Variants in ABTB3 observed in about 807,000 individuals in gnomAD.
ABTB3 encodes ankyrin repeat and BTB domain containing 3, also known as ankyrin repeat- and BTB/POZ domain-containing protein 3.
chr12:107,654,069 C>T, the ABTB3 span, among the ~76,000 whole-genome samples: 17,060 of 152,234 alleles, frequency 0.11, 1,225 homozygotes, highest in African/African-American at 0.19. Context: ...ATTTATTTCA[C>T]TTAGCATAAT....
the ABTB3 span, among the ~76,000 whole-genome samples, chr12:107,564,388 G>T: frequency 6.6e-6 from 1 of 152,164 alleles, no homozygotes; most frequent in African/African-American, 2.4e-5. Context: ...GAGGCTTAAA[G>T]ACCCAGTCTA....
the ABTB3 span, chr12:107,617,420 G>A: frequency 1.9e-6 from 3 of 1,614,116 alleles, no homozygotes; most frequent in African/African-American, 1.3e-5. Flanking sequence ...CAGCCAGGCT[G>A]CAGCCCACGG....
chr12:107,433,313 A>AT, the ABTB3 span, among the ~76,000 whole-genome samples: 1 of 150,830 alleles, frequency 6.6e-6, no homozygotes, highest in Non-Finnish European at 1.5e-5. Flanking sequence ...AAAAAAAAAA[A>AT]AAAAAAAAAA....
the ABTB3 span, chr12:107,581,077 G>T: frequency 4.5e-6 from 7 of 1,545,754 alleles, no homozygotes; most frequent in Non-Finnish European, 3.5e-6. Context: ...GCGAGCAGGG[G>T]GTGGGGCCAA....
the ABTB3 span, among the ~76,000 whole-genome samples, chr12:107,498,322 G>A: frequency 3.3e-3 from 505 of 152,304 alleles, 2 homozygotes; most frequent in African/African-American, 0.011. Flanking sequence ...CTTCTAGGAA[G>A]ATAAGCGATG....
At chr12:107,385,429 C>T in the ABTB3 span, among the ~76,000 whole-genome samples, 1 of 152,238 alleles carries the variant, frequency 6.6e-6, no homozygotes, top group African/African-American at 2.4e-5. Context: ...TTTGCATTGC[C>T]TGCTGAGAGC....
chr12:107,557,027 A>G, the ABTB3 span, among the ~76,000 whole-genome samples: 2 of 152,144 alleles, frequency 1.3e-5, no homozygotes, highest in African/African-American at 4.8e-5. Flanking sequence ...AAAAAGTGGT[A>G]TAATGATAAT....
the ABTB3 span, among the ~76,000 whole-genome samples, chr12:107,504,689 T>C: frequency 3.9e-5 from 6 of 152,328 alleles, no homozygotes; most frequent in African/African-American, 7.2e-5. Flanking sequence ...AGAAGTTCCA[T>C]TGGAAAGGGA....
the ABTB3 span, among the ~76,000 whole-genome samples, chr12:107,583,370 CCAGGAAAAG>C: frequency 6.6e-6 from 1 of 152,272 alleles, no homozygotes; most frequent in South Asian, 2.1e-4. Flanking sequence ...ACATTGGTAT[CCAGGAAAAG>C]CAGTGCTGCC....
At chr12:107,320,119 C>T in the ABTB3 span, 5 of 1,375,204 alleles carry the variant, frequency 3.6e-6, no homozygotes, top group African/African-American at 4.5e-5. Flanking sequence ...CTAACCTGGC[C>T]AACTCTTGGC....
the ABTB3 span, among the ~76,000 whole-genome samples, chr12:107,398,225 A>C: frequency 6.6e-6 from 1 of 151,832 alleles, no homozygotes; most frequent in African/African-American, 2.4e-5. Context: ...GCCAGACGCC[A>C]CACCACCCTG....
the ABTB3 span, among the ~76,000 whole-genome samples, chr12:107,534,316 T>C: frequency 6.6e-6 from 1 of 152,122 alleles, no homozygotes; most frequent in East Asian, 1.9e-4. Flanking sequence ...GAGAAAAGTT[T>C]ATAGCAATAA....
At chr12:107,471,907 A>T in the ABTB3 span, among the ~76,000 whole-genome samples, 1 of 152,196 alleles carries the variant, frequency 6.6e-6, no homozygotes, top group Non-Finnish European at 1.5e-5. Flanking sequence ...AGATCTGGTT[A>T]GAACCCCCAT....
chr12:107,618,928 G>T, the ABTB3 span, among the ~76,000 whole-genome samples: 8 of 152,196 alleles, frequency 5.3e-5, no homozygotes, highest in African/African-American at 1.9e-4. Flanking sequence ...TCTCAGGAAG[G>T]TTGGGCTGGC....
At chr12:107,449,368 G>T in the ABTB3 span, among the ~76,000 whole-genome samples, 2 of 152,186 alleles carry the variant, frequency 1.3e-5, no homozygotes, top group Non-Finnish European at 2.9e-5. Flanking sequence ...CACTCAGATA[G>T]CACATGGGAC....
At chr12:107,398,769 C>G in the ABTB3 span, among the ~76,000 whole-genome samples, 1 of 152,154 alleles carries the variant, frequency 6.6e-6, no homozygotes, top group African/African-American at 2.4e-5. Context: ...CTACACAAGA[C>G]TTATTTAACA....
the ABTB3 span, among the ~76,000 whole-genome samples, chr12:107,386,104 C>A: frequency 6.6e-6 from 1 of 152,224 alleles, no homozygotes; most frequent in African/African-American, 2.4e-5. Flanking sequence ...GCTGTTCTCT[C>A]CTGCCTCAGG....
At chr12:107,495,068 G>C in the ABTB3 span, among the ~76,000 whole-genome samples, 2 of 152,150 alleles carry the variant, frequency 1.3e-5, no homozygotes, top group African/African-American at 4.8e-5. Context: ...TGGCCAGGAC[G>C]CCCAGCGCCC....
chr12:107,559,439 C>T, the ABTB3 span, among the ~76,000 whole-genome samples: 2 of 152,150 alleles, frequency 1.3e-5, no homozygotes, highest in Admixed American at 6.5e-5. Flanking sequence ...TGAGGCTGGC[C>T]CAGCATGGCA....
Sources: gnomAD v4.1 joint callset for allele counts (sites outside exome capture counted in the v4.1 genomes callset) on GRCh38, gnomAD v4.1.1 for gene constraint, MANE v1.5 for transcripts, NCBI Gene and HGNC (gene_info 2026-07-23, HGNC 2026-07-21) for gene names.